ZNF559: variants seen among roughly 807,000 people sequenced by gnomAD.
ZNF559 encodes putative protein product of Nbla00121.
Under a neutral mutation model 14.2 loss-of-function variants are expected in ZNF559, and 17 were observed. The observed-to-expected ratio is 1.20, with a 90% CI of 0.82 to 1.80. ZNF559 has a LOEUF of 1.80. Ranked by LOEUF, ZNF559 falls within the 40% of genes most tolerant of loss-of-function variation. ZNF559 has a pLI of 0.00. For synonymous variants in ZNF559, 244 were observed against 212.4 expected (o/e 1.15, Z -1.29); for missense variants, 740 against 629.7 (o/e 1.18, Z -1.88).
At chr19:9,329,041 T>G (rs565861570) in intron 2 of ZNF559, among the ~76,000 whole-genome samples, 1 of 152,090 alleles carries the variant, frequency 6.6e-6, no homozygotes, top group Non-Finnish European at 1.5e-5. Flanking sequence ...ACTGCTTTGT[T>G]CTTTTTGTGG....
In ZNF559 at chr19:9,342,198, CT is replaced by C. The variant is rs749828086; in HGVS notation, c.749del (p.Phe250SerfsTer11). 11 of 1,603,670 alleles carry C rather than the reference CT, an allele frequency of 6.9e-6. No homozygotes were observed. Among genetic ancestry groups the C allele is most frequent in the Non-Finnish European group, 9.3e-6 (11 of 1,176,676 alleles). On this transcript the variant is annotated frameshift_variant, in exon 7 of 7. Coordinates refer to ENST00000603380, the MANE Select transcript of ZNF559 (RefSeq NM_032497.3). LOFTEE classifies it low-confidence loss of function (END_TRUNC). ...ATGAATGTAAAGCATGTGGGAAACC[CT>C]TCACTGAGTCGTCATATCTTACTCA... Reference protein sequence around the residue: ...FYECKACGKPFTESSYLTQHL... With the variant: ...FYECKACGKPXTESSYLTQHL...
At position 9,343,942 on chromosome 19, in the gene ZNF559, T is replaced by G. The variant is rs920250672; in HGVS notation, c.*874T>G. 42 of 462,502 alleles carry G rather than the reference T, an allele frequency of 9.1e-5. No individual in the cohort carries two copies. Among genetic ancestry groups the G allele is most frequent in the Non-Finnish European group, 1.2e-4 (42 of 352,726 alleles). 28.6% of individuals were successfully genotyped at this position (462,502 alleles called of 1,614,324 possible). ...CCCATTTGTCACTACTACACTTCCC[T>G]AGTCTTTAAAACAATTTTAGGCTGG... On this transcript the variant is annotated 3_prime_UTR_variant, in exon 7 of 7. Coordinates refer to ENST00000603380, the MANE Select transcript of ZNF559 (RefSeq NM_032497.3).
intron 2 of ZNF559, among the ~76,000 whole-genome samples, chr19:9,325,971 G>A (rs2066571894): frequency 6.6e-6 from 1 of 151,984 alleles, no homozygotes; most frequent in African/African-American, 2.4e-5. Context: ...AGACTTCATT[G>A]TCCATCCCCA....
intron 2 of ZNF559, among the ~76,000 whole-genome samples, chr19:9,329,828 T>C (rs1205530638): frequency 1.3e-5 from 2 of 152,184 alleles, no homozygotes; most frequent in African/African-American, 4.8e-5. Context: ...CATGCCTGGC[T>C]AATTTTTGTA....
rs2067608281 is a variant in ZNF559 at position 9,342,038 on chromosome 19, C to A, written c.587C>A (p.Ser196Tyr). The A allele has an allele frequency of 6.2e-7, 1 of 1,610,090 alleles. No homozygotes were observed. The highest frequency in any genetic ancestry group is 1.3e-5 in the African/African-American group (1 of 74,718). Reference sequence around the variant, plus strand: ...AGTGACTGTGAAAAAGGCTTACCTTCCTCCTCACACCTCAGAGAATGTGTA... The same window carrying A: ...AGTGACTGTGAAAAAGGCTTACCTTACTCCTCACACCTCAGAGAATGTGTA... ...KCSDCEKGLP[S>Y]SSHLRECVRI... Residue 196 changes from serine to tyrosine, a missense_variant, in exon 7 of 7, where the codon TCC (serine) becomes TAC (tyrosine). By Grantham distance (144) the Ser-to-Tyr change is moderately radical. Transcript: ENST00000603380.
In ZNF559 at chr19:9,342,242, G is replaced by T. The variant is rs749936765; in HGVS notation, c.791G>T (p.Ser264Ile). 9 of 1,586,872 alleles carry T rather than the reference G, an allele frequency of 5.7e-6. No individual in the cohort carries two copies. In the South Asian group the frequency reaches 9.3e-5, roughly 16 times the overall value. ...CTTACTCAACATTTAAGAACTCATA[G>T]TAGAGTGTTACCTATAGAACATAAG... ...SYLTQHLRTH[S>I]RVLPIEHKKF... The change falls in exon 7 of 7, where the codon AGT becomes ATT. Residue 264 changes from serine (S) to isoleucine (I), a missense_variant. Ser to Ile is a moderately radical substitution (Grantham distance 142, BLOSUM62 -2). Coordinates refer to ENST00000603380, the MANE Select transcript of ZNF559 (RefSeq NM_032497.3).
In ZNF559 at chr19:9,324,725, G is replaced by T. The variant is rs1296630883; in HGVS notation, c.-175G>T. 4.6e-6 allele frequency: 7 copies of T among 1,535,440 alleles called. No individual in the cohort carries two copies. The highest frequency in any genetic ancestry group is 6.1e-6 in the Non-Finnish European group (7 of 1,146,776). On this transcript the variant is annotated 5_prime_UTR_variant, in exon 2 of 7. Transcript: ENST00000603380. ...GCATCTCTGCCTTCCTGTTCACGGT[G>T]ACCTTCGCTTGGTGTCCTCCTGGCC...
At chr19:9,332,243 A>G (rs956970563) in intron 2 of ZNF559, among the ~76,000 whole-genome samples, 33 of 152,232 alleles carry the variant, frequency 2.2e-4, no homozygotes, top group African/African-American at 7.9e-4. Flanking sequence ...GCCTGCTAAT[A>G]TGTTGCATTA....
intron 2 of ZNF559, among the ~76,000 whole-genome samples, chr19:9,335,774 A>G (rs1332705653): frequency 6.6e-6 from 1 of 152,212 alleles, no homozygotes; most frequent in Non-Finnish European, 1.5e-5. Context: ...AGCTCAAGTG[A>G]TCTGCCTGCT....
Position 9,343,401 on chromosome 19 carries a change from A to G in ZNF559, c.*333A>G. 7.3e-6 allele frequency: 8 copies of G among 1,098,210 alleles called. No homozygotes were observed. The highest frequency in any genetic ancestry group is 7.8e-6 in the Non-Finnish European group (7 of 900,370). 68.0% of individuals were successfully genotyped at this position (1,098,210 alleles called of 1,614,324 possible). On this transcript the variant is annotated 3_prime_UTR_variant, in exon 7 of 7. Transcript: ENST00000603380. ...TGCTATGAATGTGAGGAAGGTGGAA[A>G]AGCTTTCATTATTTTCCTCGGGCCT...
intron 2 of ZNF559, 132 bp downstream of exon 2, chr19:9,324,912 G>C (rs2066492985): frequency 1.4e-6 from 1 of 724,952 alleles, no homozygotes; most frequent in Middle Eastern, 2.6e-4. Flanking sequence ...ATGCATGAGT[G>C]GATGAATGCA....
rs1295195072 is a variant in ZNF559, at chr19:9,341,742, A to G, written c.291A>G (p.Glu97=). ...GEELFDFNQC[E]KALSEHSCLK... is the part of the protein sequence containing the mutation. ...AACTGTTTGACTTTAACCAATGTGA[A>G]AAAGCCTTGAGTGAACACTCATGCC... Residue 97 remains glutamate, a synonymous_variant, in exon 7 of 7, where the codon GAA becomes GAG. Coordinates refer to ENST00000603380, the MANE Select transcript of ZNF559 (RefSeq NM_032497.3). The G allele has an allele frequency of 1.3e-6, 2 of 1,595,722 alleles. No homozygotes were observed. The highest frequency in any genetic ancestry group is 1.4e-5 in the African/African-American group (1 of 73,406).
Position 9,343,246 on chromosome 19 carries a change from G to A in ZNF559, c.*178G>A. ...AAGACATATGAATGTAAGGAATGTG[G>A]GAAAATCTTGGCTCCTTCCATAGGC... On this transcript the variant is annotated 3_prime_UTR_variant, in exon 7 of 7. Transcript: ENST00000603380. 1 of 1,415,816 alleles carries A rather than the reference G, an allele frequency of 7.1e-7. No individual in the cohort carries two copies. The highest frequency in any genetic ancestry group is 9.2e-7 in the Non-Finnish European group (1 of 1,088,406). 87.7% of individuals were successfully genotyped at this position (1,415,816 alleles called of 1,614,324 possible). A position where few individuals can be genotyped will look rare whatever the true frequency, so the allele number is the denominator to read the frequency against.
rs753525187 is a variant in ZNF559 at position 9,338,528 on chromosome 19, G to A, written c.-22G>A. ...CTCAAGATGTTTTCTGTCTTCATGAGTCAAAATTTGAAGAGGAAAGGATGG... is the reference window on the plus strand; with the variant it reads ...CTCAAGATGTTTTCTGTCTTCATGAATCAAAATTTGAAGAGGAAAGGATGG... On this transcript the variant is annotated 5_prime_UTR_variant, in exon 4 of 7. Coordinates refer to ENST00000603380, the MANE Select transcript of ZNF559 (RefSeq NM_032497.3). The A allele has an allele frequency of 9.9e-6, 16 of 1,613,946 alleles. No individual in the cohort carries two copies. Among genetic ancestry groups the A allele is most frequent in the Non-Finnish European group, 1.4e-5 (16 of 1,179,858 alleles).
intron 6 of ZNF559, 191 bp from the exon 7 acceptor site, chr19:9,341,503 TC>T (rs1162909242): frequency 1.9e-6 from 2 of 1,029,906 alleles, no homozygotes; most frequent in Non-Finnish European, 2.9e-6. Context: ...TAACAGAACT[TC>T]CTGCAGTCAC....
At chr19:9,333,751 CA>C (rs59926460) in intron 2 of ZNF559, among the ~76,000 whole-genome samples, 87,102 of 136,360 alleles carry the variant, frequency 0.64, 26,564 homozygotes, top group African/African-American at 0.73. Flanking sequence ...ATGTAACTGA[CA>C]AAAAAAAAAA....
chr19:9,343,248 A>C lies in ZNF559; in HGVS notation c.*180A>C. Reference sequence around the variant, plus strand: ...GACATATGAATGTAAGGAATGTGGGAAAATCTTGGCTCCTTCCATAGGCCT... The same window carrying C: ...GACATATGAATGTAAGGAATGTGGGCAAATCTTGGCTCCTTCCATAGGCCT... On this transcript the variant is annotated 3_prime_UTR_variant, in exon 7 of 7. Coordinates refer to ENST00000603380, the MANE Select transcript of ZNF559 (RefSeq NM_032497.3). 7.1e-7 allele frequency: 1 copy of C among 1,417,386 alleles called. No homozygotes were observed. The highest frequency in any genetic ancestry group is 9.2e-7 in the Non-Finnish European group (1 of 1,089,142). The allele number at this position is 1,417,386 out of a possible 1,614,324, so 87.8% of individuals were successfully genotyped here. A position where few individuals can be genotyped will look rare whatever the true frequency, so the allele number is the denominator to read the frequency against.
intron 2 of ZNF559, among the ~76,000 whole-genome samples, chr19:9,331,763 A>G (rs188807766): frequency 1.8e-3 from 279 of 152,304 alleles, no homozygotes; most frequent in Non-Finnish European, 3.1e-3. Flanking sequence ...TTTTGGTTCC[A>G]GTATTGTTAC....
At chr19:9,334,851 A>G (rs2067140140) in intron 2 of ZNF559, among the ~76,000 whole-genome samples, 1 of 152,258 alleles carries the variant, frequency 6.6e-6, no homozygotes, top group South Asian at 2.1e-4. Context: ...TTGGCTGGTC[A>G]TGGCCAGGCG....
Sources: allele counts gnomAD v4.1 joint callset (sites outside exome capture counted in the v4.1 genomes callset), GRCh38; gene constraint gnomAD v4.1.1; transcripts MANE v1.5; gene names NCBI Gene and HGNC (gene_info 2026-07-23, HGNC 2026-07-21).